Variants in ICAM2 observed in about 807,000 individuals in gnomAD.
ICAM2 encodes the protein intercellular adhesion molecule 2.
Under a neutral mutation model 19.1 loss-of-function variants are expected in ICAM2, and 14 were observed. The ratio of observed to expected loss-of-function variants is 0.73; its 90% CI spans 0.48 to 1.15. ICAM2 has a LOEUF of 1.15. Ranked by LOEUF, ICAM2 falls within the 50% of genes most tolerant of loss-of-function variation. The pLI is 0.00. For synonymous variants in ICAM2, 153 were observed against 152.7 expected, an observed-to-expected ratio of 1.00 and a Z score of -0.01; for missense variants, 311 against 355.4, an observed-to-expected ratio of 0.88 and a Z score of 1.00.
rs776815908 is a variant in ICAM2, at chr17:64,006,631, C to G, written c.61G>C (p.Gly21Arg). 6 of 1,614,078 alleles carry G rather than the reference C, an allele frequency of 3.7e-6. No homozygotes were observed. Among genetic ancestry groups the G allele is most frequent in the Admixed American group, 1.7e-5 (1 of 60,016 alleles). Residue 21 changes from glycine (G) to arginine (R), a missense_variant and splice_region_variant, in exon 2 of 5, where the codon GGA becomes CGA. Gly to Arg is a moderately radical substitution (Grantham distance 125). Coordinates refer to ENST00000579788, the MANE Select transcript of ICAM2 (RefSeq NM_001099789.2). ...VALFTLICCP[G>R]SDEKVFEVHV... is the part of the protein sequence containing the mutation. ...CAGGAACCCCAGGAAACTGGCTTAC[C>G]TGGACAGCAGATCAGGGTGAAGAGG...
chr17:64,019,632 A>G (rs1911863230), intron 1 of ICAM2, among the ~76,000 whole-genome samples: 1 of 151,874 alleles, frequency 6.6e-6, no homozygotes, highest in East Asian at 1.9e-4. Flanking sequence ...TGGCCAACAT[A>G]GTGAAACCCT....
At chr17:64,011,124 A>T (rs1402193457) in intron 1 of ICAM2, among the ~76,000 whole-genome samples, 1 of 152,220 alleles carries the variant, frequency 6.6e-6, no homozygotes, top group Non-Finnish European at 1.5e-5. Flanking sequence ...TGAAAAAAAT[A>T]AACAAAAATG....
At chr17:64,012,812 G>A (rs184368256) in intron 1 of ICAM2, among the ~76,000 whole-genome samples, 4 of 152,246 alleles carry the variant, frequency 2.6e-5, no homozygotes, top group Admixed American at 1.3e-4. Flanking sequence ...AGGGACTTGA[G>A]CATCCTCAAA....
At position 64,002,897 on chromosome 17, in the gene ICAM2, G is replaced by T. The variant is rs765387038; in HGVS notation, c.678C>A (p.Ile226=). The change falls in exon 5 of 5, where the codon ATC becomes ATA. Residue 226 remains isoleucine, a synonymous_variant. Coordinates refer to ENST00000579788, the MANE Select transcript of ICAM2 (RefSeq NM_001099789.2). ...GCAACACCGACACCACCGTGACTAT[G>T]ATGACCATCTGGCTGTCCGACACAG... ...YEPVSDSQMV[I]IVTVVSVLLS... is the part of the protein sequence containing the mutation. 2 of 1,613,882 alleles carry T rather than the reference G, an allele frequency of 1.2e-6. No homozygotes were observed. Among genetic ancestry groups the T allele is most frequent in the Non-Finnish European group, 8.5e-7 (1 of 1,179,912 alleles).
At chr17:64,005,771 C>A (rs1367584005) in intron 2 of ICAM2, among the ~76,000 whole-genome samples, 2 of 152,204 alleles carry the variant, frequency 1.3e-5, no homozygotes, top group Non-Finnish European at 2.9e-5. Context: ...CCCTCTGTAG[C>A]CCTCCCTCCC....
At chr17:64,011,122 A>G (rs1314991142) in intron 1 of ICAM2, among the ~76,000 whole-genome samples, 1 of 152,230 alleles carries the variant, frequency 6.6e-6, no homozygotes, top group Non-Finnish European at 1.5e-5. Flanking sequence ...GATGAAAAAA[A>G]TAAACAAAAA....
In ICAM2 at chr17:64,005,275, G is replaced by A. The variant is rs748599118; in HGVS notation, c.160C>T (p.Gln54Ter). The A allele has an allele frequency of 1.9e-5, 31 of 1,614,048 alleles. No individual in the cohort carries two copies. The highest frequency in any genetic ancestry group is 2.5e-5 in the Non-Finnish European group (30 of 1,180,040). Reference sequence around the variant, plus strand: ...GTCTCCAGACCACCCACTTCAGGCTGGTTACAGGTGGTGCTGCAGTTGACC... The same window carrying A: ...GTCTCCAGACCACCCACTTCAGGCTAGTTACAGGTGGTGCTGCAGTTGACC... ...LEVNCSTTCN[Q>*]PEVGGLETSL... Residue 54 changes from glutamine to a stop codon, truncating the protein, a stop_gained, in exon 3 of 5, where the codon CAG (glutamine) becomes TAG (stop). Coordinates refer to ENST00000579788, the MANE Select transcript of ICAM2 (RefSeq NM_001099789.2). LOFTEE classifies it high-confidence loss of function.
At position 64,003,243 on chromosome 17, in the gene ICAM2, C is replaced by A. The variant is rs1234531422; in HGVS notation, c.650-318G>T. 3 of 437,542 alleles carry A rather than the reference C, an allele frequency of 6.9e-6. No individual in the cohort carries two copies. The Admixed American group carries it at 1.1e-4, about 17-fold the overall frequency. The allele number at this position is 437,542 out of a possible 1,614,324, so 27.1% of individuals were successfully genotyped here. A position where few individuals can be genotyped will look rare whatever the true frequency, so the allele number is the denominator to read the frequency against. ...GGCCTGGAGGGTGGCATGGTCCCAG[C>A]CAAGCCCCTTCTTGGGCAGAGCTGA... On this transcript the variant is annotated intron_variant, in intron 4 of 4. Transcript: ENST00000579788.
At position 64,002,841 on chromosome 17, in the gene ICAM2, C is replaced by G. The variant is rs1417506187; in HGVS notation, c.734G>C (p.Cys245Ser). The G allele has an allele frequency of 6.2e-7, 1 of 1,613,872 alleles. No individual in the cohort carries two copies. Among genetic ancestry groups the G allele is most frequent in the Non-Finnish European group, 8.5e-7 (1 of 1,179,996 alleles). ...LSLFVTSVLL[C>S]FIFGQHLRQQ... ...GCGCAAGTGCTGGCCGAAGATGAAG[C>G]AGAGCAGGACAGATGTCACGAACAG... The change falls in exon 5 of 5, where the codon TGC becomes TCC. Residue 245 changes from cysteine to serine, a missense_variant. Transcript: ENST00000579788.
chr17:64,002,870 C>T lies in ICAM2; in HGVS notation c.705G>A (p.Leu235=). Residue 235 remains leucine (L), a synonymous_variant, in exon 5 of 5, where the codon CTG becomes CTA. Transcript: ENST00000579788. Reference sequence around the variant, plus strand: ...GCAGGACAGATGTCACGAACAGGGACAGCAACACCGACACCACCGTGACTA... The same window carrying T: ...GCAGGACAGATGTCACGAACAGGGATAGCAACACCGACACCACCGTGACTA... ...VIIVTVVSVL[L]SLFVTSVLLC... 2 of 1,613,954 alleles carry T rather than the reference C, an allele frequency of 1.2e-6. No individual in the cohort carries two copies. The highest frequency in any genetic ancestry group is 1.1e-5 in the South Asian group (1 of 91,068).
At chr17:64,013,318 T>C (rs906367126) in intron 1 of ICAM2, among the ~76,000 whole-genome samples, 2 of 150,684 alleles carry the variant, frequency 1.3e-5, no homozygotes, top group Non-Finnish European at 3.0e-5. Context: ...TCTCAAGAAA[T>C]AAAAAAATAC....
intron 1 of ICAM2, among the ~76,000 whole-genome samples, chr17:64,014,722 G>GAAGGAAGA (rs1911645426): frequency 2.5e-4 from 4 of 16,012 alleles, no homozygotes; most frequent in African/African-American, 3.1e-4. Context: ...AGGAAGGAAG[G>GAAGGAAGA]AAGAAAGAAA....
At chr17:64,014,521 A>G (rs900271541) in intron 1 of ICAM2, among the ~76,000 whole-genome samples, 12 of 136,620 alleles carry the variant, frequency 8.8e-5, no homozygotes, top group Non-Finnish European at 6.3e-5. Flanking sequence ...GAGAGAGAGA[A>G]AGAAAGAAAG....
intron 2 of ICAM2, 143 bp from the exon 3 acceptor site, chr17:64,005,516 G>A (rs1911147007): frequency 1.1e-6 from 1 of 930,682 alleles, no homozygotes. Flanking sequence ...CTTTCCCCTT[G>A]TCAGGTGTCA....
intron 2 of ICAM2, 25 bp from the exon 3 acceptor site, chr17:64,005,398 G>C (rs1322167696): frequency 6.2e-7 from 1 of 1,604,530 alleles, no homozygotes; most frequent in African/African-American, 1.3e-5. Context: ...ACACTGGGCA[G>C]TCGTGTCATC....
At chr17:64,010,775 T>C (rs1445335603) in intron 1 of ICAM2, among the ~76,000 whole-genome samples, 1 of 152,162 alleles carries the variant, frequency 6.6e-6, no homozygotes, top group Non-Finnish European at 1.5e-5. Flanking sequence ...TTTACAATAA[T>C]GGTAATATTA....
intron 3 of ICAM2, 100 bp from the exon 4 acceptor site, chr17:64,004,064 G>T: frequency 4.2e-6 from 4 of 945,446 alleles, no homozygotes; most frequent in Non-Finnish European, 6.2e-6. Flanking sequence ...GTGTTCCACG[G>T]TTGGGGAGGA....
At position 64,006,612 on chromosome 17, in the gene ICAM2, C is replaced by G. The variant is rs768909876; in HGVS notation, c.61+19G>C. On this transcript the variant is annotated intron_variant, in intron 2 of 4. Coordinates refer to ENST00000579788, the MANE Select transcript of ICAM2 (RefSeq NM_001099789.2). ...CGGCTGGCATGTGCCAAATCAGGAACCCCAGGAAACTGGCTTACCTGGACA... is the reference window on the plus strand; with the variant it reads ...CGGCTGGCATGTGCCAAATCAGGAAGCCCAGGAAACTGGCTTACCTGGACA... The G allele has an allele frequency of 1.7e-5, 27 of 1,611,842 alleles. No individual in the cohort carries two copies. In the Admixed American group the frequency reaches 4.2e-4, roughly 25 times the overall value.
chr17:64,005,241 T>C lies in ICAM2; in HGVS notation c.194A>G (p.Asp65Gly). The C allele has an allele frequency of 6.2e-7, 1 of 1,614,112 alleles. No individual in the cohort carries two copies. Among genetic ancestry groups the C allele is most frequent in the Non-Finnish European group, 8.5e-7 (1 of 1,180,002 alleles). The change falls in exon 3 of 5, where the codon GAT becomes GGT. Residue 65 changes from aspartate (D) to glycine (G), a missense_variant. Coordinates refer to ENST00000579788, the MANE Select transcript of ICAM2 (RefSeq NM_001099789.2). ...PEVGGLETSLDKILLDEQAQW... is the reference protein window; with the variant it reads ...PEVGGLETSLGKILLDEQAQW... The stretch of plus-strand genomic sequence containing the variant: ...AGCCTGTTCGTCCAGCAGAATCTTA[T>C]CTAGAGAGGTCTCCAGACCACCCAC...
Sources: gnomAD v4.1 joint callset for allele counts (sites outside exome capture counted in the v4.1 genomes callset) on GRCh38, gnomAD v4.1.1 for gene constraint, MANE v1.5 for transcripts, NCBI Gene and HGNC (gene_info 2026-07-23, HGNC 2026-07-21) for gene names.